The following PHF8 variants were observed in gnomAD, a reference collection of about 807,000 sequenced individuals.
PHF8 encodes the protein histone lysine demethylase PHF8.
PHF8 carries 9 observed loss-of-function variants against 74.4 expected under a neutral mutation model. The ratio of observed to expected loss-of-function variants is 0.12; its 90% confidence interval spans 0.07 to 0.21. PHF8 has a LOEUF of 0.21. Ranked by LOEUF, PHF8 falls within the 10% of genes least tolerant of loss-of-function variation. PHF8 has a pLI of 1.00. For missense variants in PHF8, 478 were observed against 816.6 expected (o/e 0.59, Z 5.05); for synonymous variants, 311 against 316.6 (o/e 0.98, Z 0.19).
At position 53,985,859 on chromosome X, in the gene PHF8, T is replaced by C; in HGVS notation, c.2086A>G (p.Lys696Glu). 1 of 1,210,934 alleles carries C rather than the reference T, an allele frequency of 8.3e-7. No individual in the cohort carries two copies. Among genetic ancestry groups the C allele is most frequent in the Non-Finnish European group, 1.1e-6 (1 of 894,880 alleles). The part of the protein sequence containing the change: ...SGAGGILDLL[K>E]ASRQVGGPDY... ...GGTCCCCCCACCTGCCTGCTGGCCT[T>C]GAGCAGATCAAGAATGCCACCAGCG... Residue 696 changes from lysine to glutamate, a missense_variant, in exon 17 of 22, where the codon AAG (lysine) becomes GAG (glutamate). This residue lies in a region of PHF8 where 45 missense variants were observed against 94.4 expected (regional missense o/e 0.48). Transcript: ENST00000338154.
At position 53,937,654 on chromosome X, in the gene PHF8, C is replaced by G. The variant is rs1557082132; in HGVS notation, c.*1504G>C. On this transcript the variant is annotated 3_prime_UTR_variant, in exon 22 of 22. Transcript: ENST00000338154. ...TGATTCCAAGGAAGGAAAGTAGAGG[C>G]AGGGCTATGGAGAAAAGAAAGACAA... 4.7e-6 allele frequency: 1 copy of G among 214,587 alleles called. No homozygotes were observed. The highest frequency in any genetic ancestry group is 8.5e-6 in the Non-Finnish European group (1 of 117,746). The allele number at this position is 214,587 out of a possible 1,213,427, so 17.7% of individuals were successfully genotyped here.
Position 53,978,916 on chromosome X carries a change from A to T in PHF8, c.2443+5998T>A, listed in dbSNP as rs782708534. Among the ~76,000 whole-genome samples, 60 of 110,890 alleles carry T rather than the reference A, an allele frequency of 5.4e-4. 2 individuals are homozygous for T. The East Asian group carries it at 0.01, about 19-fold the overall frequency. ...AAAGGCAAAAACCACAGTGACAGAG[A>T]GCAGATCAGTGGTTGCTCGGGAGTA... On this transcript the variant is annotated intron_variant, in intron 18 of 21. Coordinates refer to ENST00000338154, the MANE Select transcript of PHF8 (RefSeq NM_015107.3).
rs1557110874 is a variant in PHF8, at chrX:54,024,310, G to GTA, written c.99-1469_99-1468dup. Reference sequence around the variant, plus strand: ...CAGTGAGCATAAAGTCTGATACACAGTAAGTATCCGGTTTCACAGTAAGTG... The same window carrying GTA: ...CAGTGAGCATAAAGTCTGATACACAGTATAAGTATCCGGTTTCACAGTAAGTG... On this transcript the variant is annotated intron_variant, in intron 2 of 21. Coordinates refer to ENST00000338154, the MANE Select transcript of PHF8 (RefSeq NM_015107.3). Among the ~76,000 whole-genome samples the GTA allele has an allele frequency of 5.4e-5, 6 of 111,998 alleles. No homozygotes were observed. The South Asian group carries it at 1.9e-3, about 35-fold the overall frequency.
chrX:53,958,730 C>A (rs1401823993), intron 19 of PHF8, among the ~76,000 whole-genome samples: 2 of 94,894 alleles, frequency 2.1e-5, no homozygotes, highest in African/African-American at 4.0e-5. Flanking sequence ...GAGCAGAGAT[C>A]GCGCCACTGC....
chrX:54,021,672 T>C (rs1557109943), intron 4 of PHF8, among the ~76,000 whole-genome samples: 1 of 107,163 alleles, frequency 9.3e-6, no homozygotes, highest in African/African-American at 3.4e-5. Flanking sequence ...GTTTCACCGT[T>C]TTAGCCGGGA....
At chrX:53,977,648 CTTT>C (rs1203709777) in intron 18 of PHF8, among the ~76,000 whole-genome samples, 3 of 101,002 alleles carry the variant, frequency 3.0e-5, no homozygotes, top group East Asian at 6.2e-4. Context: ...AGTTCAGTAG[CTTT>C]TTTTTTTTTT....
chrX:53,939,322 G>T, intron 21 of PHF8, 76 bp from the exon 22 acceptor site: 1 of 799,329 alleles, frequency 1.3e-6, no homozygotes. Flanking sequence ...CTGCCCTCAG[G>T]CCACCTCCCC....
intron 8 of PHF8, among the ~76,000 whole-genome samples, chrX:54,010,879 G>C (rs1241341348): frequency 1.8e-5 from 2 of 111,349 alleles, no homozygotes; most frequent in East Asian, 5.6e-4. Context: ...TGTTCACCCA[G>C]ATGACATCAA....
intron 8 of PHF8, among the ~76,000 whole-genome samples, chrX:54,003,658 C>T (rs181380598): frequency 8.9e-6 from 1 of 111,865 alleles, no homozygotes; most frequent in Non-Finnish European, 1.9e-5. Flanking sequence ...CCACTGCACC[C>T]GGCCTATATT....
At chrX:54,028,589 C>T (rs782676122) in intron 2 of PHF8, among the ~76,000 whole-genome samples, 1 of 111,575 alleles carries the variant, frequency 9.0e-6, no homozygotes, top group South Asian at 3.8e-4. Flanking sequence ...ACCCTTCCCT[C>T]CAAATGTCTC....
intron 21 of PHF8, 28 bp downstream of exon 21, chrX:53,940,152 C>T (rs782258136): frequency 1.4e-4 from 155 of 1,106,026 alleles, no homozygotes; most frequent in Middle Eastern, 8.6e-4. Context: ...TAAGATCCTT[C>T]GGTTCTACAA....
At chrX:53,962,399 C>T (rs1381926436) in intron 19 of PHF8, among the ~76,000 whole-genome samples, 1 of 111,454 alleles carries the variant, frequency 9.0e-6, no homozygotes, top group African/African-American at 3.3e-5. Context: ...ACTCAGTGGT[C>T]ATTCTTCCCT....
intron 18 of PHF8, among the ~76,000 whole-genome samples, chrX:53,979,858 G>A (rs1482617625): frequency 2.7e-5 from 3 of 111,316 alleles, no homozygotes; most frequent in East Asian, 2.8e-4. Context: ...GAGTGGTGGC[G>A]TGCACCTGCA....
At chrX:53,942,731 T>C (rs2064771342) in intron 20 of PHF8, 4 of 746,532 alleles carry the variant, frequency 5.4e-6, no homozygotes, top group Non-Finnish European at 6.3e-6. Context: ...TGGTAGGTAG[T>C]ATGAAGGGCT....
intron 7 of PHF8, among the ~76,000 whole-genome samples, chrX:54,011,862 CAAAAAAAAA>C (rs11397654): frequency 2.5e-5 from 1 of 40,066 alleles, no homozygotes; most frequent in Non-Finnish European, 5.4e-5. Context: ...GATAATTTGG[CAAAAAAAAA>C]AAAAAAAAAA....
chrX:53,948,074 T>C (rs1482744206), intron 19 of PHF8, among the ~76,000 whole-genome samples: 2 of 111,439 alleles, frequency 1.8e-5, no homozygotes, highest in African/African-American at 3.3e-5. Flanking sequence ...TACATGAACA[T>C]AAGAAAATGG....
At chrX:53,996,133 T>G (rs78846354) in intron 11 of PHF8, among the ~76,000 whole-genome samples, 1 of 110,728 alleles carries the variant, frequency 9.0e-6, no homozygotes, top group Non-Finnish European at 1.9e-5. Context: ...TTTTTTTTTT[T>G]GAGATGGAGT....
chrX:53,973,552 C>T (rs1569525769), intron 18 of PHF8, among the ~76,000 whole-genome samples: 1 of 111,348 alleles, frequency 9.0e-6, no homozygotes, highest in Admixed American at 9.6e-5. Context: ...AAAGGATTCT[C>T]TATTTAATAA....
At chrX:54,047,127 G>C (rs1248821262), upstream of PHF8, among the ~76,000 whole-genome samples, 1 of 112,358 alleles carries the variant, frequency 8.9e-6, no homozygotes, top group East Asian at 2.8e-4. Context: ...GGAGTCAGGA[G>C]GAATGAGGCT....
Sources: gnomAD v4.1 joint callset for allele counts (sites outside exome capture counted in the v4.1 genomes callset) on GRCh38, gnomAD v4.1.1 for gene constraint, gnomAD v4.1.1 regional missense constraint, MANE v1.5 for transcripts, NCBI Gene and HGNC (gene_info 2026-07-23, HGNC 2026-07-21) for gene names.